The following KCNIP4 variants were observed in gnomAD, a reference collection of about 807,000 sequenced individuals.
KCNIP4 encodes Kv channel-interacting protein 4.
A neutral mutation model predicts 34.0 loss-of-function variants in KCNIP4; 12 were observed. The observed-to-expected ratio is 0.35, with a 90% CI of 0.23 to 0.57. KCNIP4 has a LOEUF of 0.57. KCNIP4 is among the 20% of genes least tolerant of loss of function. KCNIP4 has a pLI of 0.83. For synonymous variants in KCNIP4, 124 were observed against 102.2 expected (o/e 1.21, Z -1.29); for missense variants, 238 against 311.7 (o/e 0.76, Z 1.78).
chr4:21,114,201 T>C (rs1415544927), intron 1 of KCNIP4, among the ~76,000 whole-genome samples: 1 of 152,192 alleles, frequency 6.6e-6, no homozygotes, highest in Non-Finnish European at 1.5e-5. Context: ...CCTGCAGAGA[T>C]TCTACAAATC....
chr4:21,423,077 T>C (rs1725621114), intron 1 of KCNIP4, among the ~76,000 whole-genome samples: 1 of 152,162 alleles, frequency 6.6e-6, no homozygotes, highest in Non-Finnish European at 1.5e-5. Context: ...CCAATCACAC[T>C]TCATCTGATA....
intron 3 of KCNIP4, among the ~76,000 whole-genome samples, chr4:20,799,370 A>G (rs1248250561): frequency 6.6e-6 from 1 of 152,176 alleles, no homozygotes; most frequent in Non-Finnish European, 1.5e-5. Flanking sequence ...CAGCTGATAC[A>G]GTGCCCTGCT....
intron 1 of KCNIP4, among the ~76,000 whole-genome samples, chr4:21,778,127 T>C (rs1159300214): frequency 6.6e-6 from 1 of 152,020 alleles, no homozygotes; most frequent in African/African-American, 2.4e-5. Context: ...AAAAAATAAA[T>C]TGGTGCATAA....
chr4:20,729,886 G>A lies in KCNIP4; in HGVS notation c.*196C>T. The A allele has an allele frequency of 2.0e-6, 1 of 503,330 alleles. No homozygotes were observed. Among genetic ancestry groups the A allele is most frequent in the Non-Finnish European group, 3.4e-6 (1 of 295,420 alleles). 31.2% of individuals were successfully genotyped at this position (503,330 alleles called of 1,614,324 possible). ...AGTTAGACCATCCCCTGAACTCAGT[G>A]GCATTATGAAAAGGATGCAAATTTA... On this transcript the variant is annotated 3_prime_UTR_variant, in exon 9 of 9. Coordinates refer to ENST00000382152, the MANE Select transcript of KCNIP4 (RefSeq NM_025221.6).
chr4:21,293,354 A>G (rs762311517), intron 1 of KCNIP4, among the ~76,000 whole-genome samples: 4 of 152,164 alleles, frequency 2.6e-5, no homozygotes, highest in Non-Finnish European at 5.9e-5. Context: ...GATTTTTTTA[A>G]ATGGTAAAGT....
At chr4:21,754,222 A>C (rs1577942899) in intron 1 of KCNIP4, among the ~76,000 whole-genome samples, 1 of 152,100 alleles carries the variant, frequency 6.6e-6, no homozygotes, top group Non-Finnish European at 1.5e-5. Flanking sequence ...TTTACAATGG[A>C]AAGTTCTCCT....
chr4:21,802,385 T>C (rs1368144482), intron 1 of KCNIP4, among the ~76,000 whole-genome samples: 1 of 152,188 alleles, frequency 6.6e-6, no homozygotes, highest in African/African-American at 2.4e-5. Flanking sequence ...TCTCTCTGCC[T>C]CCCTTATGTT....
rs60459395 is a variant in KCNIP4 at position 21,541,180 on chromosome 4, CAAA to C, written c.61+407388_61+407390del. Among the ~76,000 whole-genome samples the C allele has an allele frequency of 3.1e-3, 332 of 107,474 alleles. 1 individual carries two copies. The highest frequency in any genetic ancestry group is 0.011 in the African/African-American group (311 of 29,522). 70.5% of individuals were successfully genotyped at this position (107,474 alleles called of 152,430 possible). On this transcript the variant is annotated intron_variant, in intron 1 of 8. Transcript: ENST00000382152. The stretch of plus-strand genomic sequence containing the variant: ...AGTGAGACTCCATCACAAAAGAAAA[CAAA>C]AAAAAAAAAAAAAAGAGAGAGAGAG...
intron 1 of KCNIP4, among the ~76,000 whole-genome samples, chr4:21,044,312 C>T (rs941598616): frequency 3.3e-5 from 5 of 151,862 alleles, no homozygotes; most frequent in African/African-American, 1.2e-4. Flanking sequence ...CTTTCCCCCA[C>T]AATTTTTTTT....
At chr4:21,745,927 A>G (rs1236283611) in intron 1 of KCNIP4, among the ~76,000 whole-genome samples, 6 of 152,306 alleles carry the variant, frequency 3.9e-5, no homozygotes, top group East Asian at 1.9e-4. Context: ...CTATGATGCC[A>G]TAACAAAATA....
chr4:21,908,506 C>A (rs1197923268), intron 1 of KCNIP4, among the ~76,000 whole-genome samples: 2 of 152,124 alleles, frequency 1.3e-5, no homozygotes, highest in Non-Finnish European at 2.9e-5. Context: ...ACCATTCAAT[C>A]ATATAAAATG....
chr4:21,529,991 T>C (rs1736539709), intron 1 of KCNIP4, among the ~76,000 whole-genome samples: 2 of 152,180 alleles, frequency 1.3e-5, no homozygotes, highest in South Asian at 2.1e-4. Context: ...TGGTAAATAA[T>C]AGCTAGCACA....
At chr4:21,810,644 C>A (rs1017768699) in intron 1 of KCNIP4, among the ~76,000 whole-genome samples, 7 of 147,078 alleles carry the variant, frequency 4.8e-5, no homozygotes, top group African/African-American at 1.5e-4. Context: ...GAGCCGAGAT[C>A]GCGCCACTGC....
chr4:21,884,543 C>T (rs1176476598), intron 1 of KCNIP4, among the ~76,000 whole-genome samples: 1 of 151,880 alleles, frequency 6.6e-6, no homozygotes, highest in East Asian at 1.9e-4. Flanking sequence ...TATTAATTCC[C>T]CAATGGAGCT....
At chr4:21,787,087 A>G (rs1719964031) in intron 1 of KCNIP4, among the ~76,000 whole-genome samples, 1 of 152,178 alleles carries the variant, frequency 6.6e-6, no homozygotes, top group South Asian at 2.1e-4. Context: ...TGAACACCCG[A>G]CATAACACCA....
chr4:21,307,988 C>T (rs1712677626), intron 1 of KCNIP4, among the ~76,000 whole-genome samples: 1 of 152,172 alleles, frequency 6.6e-6, no homozygotes, highest in African/African-American at 2.4e-5. Context: ...GGATAGCATC[C>T]ACTCTCATCC....
chr4:21,476,249 GT>G lies in KCNIP4; in HGVS notation c.61+472321del, dbSNP rs1478850322. ...ACCTGTCTATCTATCTATCTATTGA[GT>G]TTTTCATTATGCTGCTGAAACTAGC... On this transcript the variant is annotated intron_variant, in intron 1 of 8. Coordinates refer to ENST00000382152, the MANE Select transcript of KCNIP4 (RefSeq NM_025221.6). Among the ~76,000 whole-genome samples the G allele has an allele frequency of 2.7e-5, 4 of 150,420 alleles. No individual in the cohort carries two copies. In the East Asian group the frequency reaches 7.8e-4, roughly 29 times the overall value.
chr4:21,652,808 T>C (rs576225316), intron 1 of KCNIP4, among the ~76,000 whole-genome samples: 1 of 152,268 alleles, frequency 6.6e-6, no homozygotes, highest in Admixed American at 6.5e-5. Flanking sequence ...TATAATTGGA[T>C]GTAGAGCCAC....
intron 1 of KCNIP4, among the ~76,000 whole-genome samples, chr4:21,181,766 A>G (rs1407736857): frequency 6.6e-6 from 1 of 152,134 alleles, no homozygotes; most frequent in Non-Finnish European, 1.5e-5. Flanking sequence ...ATTACATACC[A>G]TTACTACAGA....
Sources: gnomAD v4.1 joint callset for allele counts (sites outside exome capture counted in the v4.1 genomes callset) on GRCh38, gnomAD v4.1.1 for gene constraint, MANE v1.5 for transcripts, NCBI Gene and HGNC (gene_info 2026-07-23, HGNC 2026-07-21) for gene names.